Variants in ATP8A2 observed in about 807,000 individuals in gnomAD.
The protein encoded by ATP8A2 is phospholipid-transporting ATPase IB.
Under a neutral mutation model 165.6 loss-of-function variants are expected in ATP8A2, and 100 were observed. The observed-to-expected ratio is 0.60, with a 90% CI of 0.51 to 0.71. ATP8A2 has a LOEUF of 0.71. ATP8A2 is among the 30% of genes least tolerant of loss of function. The pLI is 0.00. For synonymous variants in ATP8A2, 543 were observed against 548.8 expected (o/e 0.99, Z 0.15); for missense variants, 1,227 against 1,479.5 (o/e 0.83, Z 2.80).
chr13:25,671,711 T>G (rs2042267106), intron 24 of ATP8A2, among the ~76,000 whole-genome samples: 1 of 152,222 alleles, frequency 6.6e-6, no homozygotes, highest in South Asian at 2.1e-4. Flanking sequence ...CCTGATAAGA[T>G]GTTATCAATG....
intron 33 of ATP8A2, among the ~76,000 whole-genome samples, chr13:25,951,800 C>G (rs1023745006): frequency 6.6e-6 from 1 of 152,104 alleles, no homozygotes; most frequent in Non-Finnish European, 1.5e-5. Context: ...GCCTTGGTGA[C>G]AAAAAACACT....
At chr13:25,377,622 A>G (rs983636291) in intron 1 of ATP8A2, among the ~76,000 whole-genome samples, 1 of 152,142 alleles carries the variant, frequency 6.6e-6, no homozygotes, top group African/African-American at 2.4e-5. Flanking sequence ...CAACATAGTG[A>G]AACCCTAAAA....
chr13:25,525,272 G>A (rs1593459621), intron 2 of ATP8A2, among the ~76,000 whole-genome samples: 3 of 152,116 alleles, frequency 2.0e-5, no homozygotes, highest in East Asian at 1.9e-4. Flanking sequence ...GCAGGTTTCT[G>A]TATGTGTTTT....
rs867589168 is a variant in ATP8A2 at position 25,742,408 on chromosome 13, T to A, written c.2385-26638T>A. On this transcript the variant is annotated intron_variant, in intron 25 of 36. Coordinates refer to ENST00000381655, the MANE Select transcript of ATP8A2 (RefSeq NM_016529.6). Reference sequence around the variant, plus strand: ...TCTTAATGTAGGCAAAGACCATGTGTCTCAGACAACAAATGAGGGGTACAC... The same window carrying A: ...TCTTAATGTAGGCAAAGACCATGTGACTCAGACAACAAATGAGGGGTACAC... Among the ~76,000 whole-genome samples, 3 of 151,922 alleles carry A rather than the reference T, an allele frequency of 2.0e-5. 1 individual carries two copies. Among genetic ancestry groups the A allele is most frequent in the African/African-American group, 7.3e-5 (3 of 41,338 alleles).
intron 34 of ATP8A2, among the ~76,000 whole-genome samples, chr13:25,967,190 T>C (rs1293325597): frequency 1.3e-5 from 2 of 152,234 alleles, no homozygotes; most frequent in Non-Finnish European, 2.9e-5. Context: ...TATTTGCTCA[T>C]TTCTTGTTTA....
chr13:25,987,660 C>T (rs2139278412), intron 35 of ATP8A2, among the ~76,000 whole-genome samples: 1 of 152,324 alleles, frequency 6.6e-6, no homozygotes, highest in South Asian at 2.1e-4. Context: ...AGCCACCAGC[C>T]ATGCAGGGGT....
At chr13:25,900,046 G>T (rs1953688022) in intron 33 of ATP8A2, among the ~76,000 whole-genome samples, 1 of 152,112 alleles carries the variant, frequency 6.6e-6, no homozygotes, top group African/African-American at 2.4e-5. Context: ...GAATAACCAG[G>T]ATCATACATT....
At chr13:25,866,458 A>G (rs1486587316) in intron 33 of ATP8A2, among the ~76,000 whole-genome samples, 1 of 152,222 alleles carries the variant, frequency 6.6e-6, no homozygotes, top group Non-Finnish European at 1.5e-5. Flanking sequence ...TTTGAACTCC[A>G]AATTCTTTTA....
At chr13:25,578,633 C>T (rs963055715) in intron 20 of ATP8A2, among the ~76,000 whole-genome samples, 182 bp from the exon 21 acceptor site, 2 of 152,138 alleles carry the variant, frequency 1.3e-5, no homozygotes, top group East Asian at 3.8e-4. Context: ...TTTTGTTGGA[C>T]ACATTCATAC....
rs534808174 is a variant in ATP8A2 at position 25,436,565 on chromosome 13, T to C, written c.77-32412T>C. 1.4e-4 allele frequency among the ~76,000 whole-genome samples: 22 copies of C among 152,296 alleles called. No homozygotes were observed. In the South Asian group the frequency reaches 4.6e-3, roughly 32 times the overall value. ...TTTGCTGTTGTAAATAGTACTGTGA[T>C]GAACATAAGCGTGTGTCTGTTTGGT... On this transcript the variant is annotated intron_variant, in intron 1 of 36. Transcript: ENST00000381655.
At chr13:25,745,945 G>GGCTGACT (rs1388817030) in intron 25 of ATP8A2, among the ~76,000 whole-genome samples, 1 of 152,168 alleles carries the variant, frequency 6.6e-6, no homozygotes, top group African/African-American at 2.4e-5. Flanking sequence ...CTAGGCAGGA[G>GGCTGACT]GCTGACTACA....
chr13:25,993,956 C>T (rs1184919166), intron 35 of ATP8A2, among the ~76,000 whole-genome samples: 1 of 152,096 alleles, frequency 6.6e-6, no homozygotes, highest in Admixed American at 6.5e-5. Context: ...CTGTGTTTTC[C>T]AATCCATGAA....
chr13:25,723,562 A>G (rs780572290), intron 25 of ATP8A2, among the ~76,000 whole-genome samples: 1 of 152,154 alleles, frequency 6.6e-6, no homozygotes, highest in African/African-American at 2.4e-5. Flanking sequence ...AACATCATCT[A>G]GCCAGATTTT....
intron 20 of ATP8A2, among the ~76,000 whole-genome samples, chr13:25,578,089 C>T (rs958833143): frequency 2.0e-5 from 3 of 152,086 alleles, no homozygotes; most frequent in Non-Finnish European, 2.9e-5. Flanking sequence ...AGTACCACAT[C>T]GAGTACAACA....
chr13:25,930,028 A>AC (rs1290927959), intron 33 of ATP8A2, among the ~76,000 whole-genome samples: 2 of 152,100 alleles, frequency 1.3e-5, no homozygotes, highest in Admixed American at 1.3e-4. Context: ...GTGCTGCCCC[A>AC]CGTGCCTTTG....
chr13:25,846,091 G>A (rs967828781), intron 30 of ATP8A2, among the ~76,000 whole-genome samples: 1 of 152,208 alleles, frequency 6.6e-6, no homozygotes, highest in African/African-American at 2.4e-5. Context: ...CAGGAGAATT[G>A]CTTGAACTGG....
intron 27 of ATP8A2, among the ~76,000 whole-genome samples, chr13:25,783,519 C>T (rs527849471): frequency 1.3e-5 from 2 of 152,224 alleles, no homozygotes; most frequent in Admixed American, 6.5e-5. Context: ...TAAGAATTCC[C>T]ACAATTATAA....
intron 34 of ATP8A2, among the ~76,000 whole-genome samples, chr13:25,963,393 C>CAAAAAAAAA (rs763926807): frequency 8.7e-6 from 1 of 115,390 alleles, no homozygotes; most frequent in South Asian, 2.6e-4. Context: ...GACTCCGTCT[C>CAAAAAAAAA]AAAAAAAAAA....
intron 33 of ATP8A2, chr13:25,868,255 A>G: frequency 5.6e-6 from 2 of 358,764 alleles, no homozygotes; most frequent in South Asian, 2.1e-5. Context: ...TAGCACTGCA[A>G]TTATTAGTTT....
Sources: allele counts gnomAD v4.1 joint callset (sites outside exome capture counted in the v4.1 genomes callset), GRCh38; gene constraint gnomAD v4.1.1; transcripts MANE v1.5; gene names NCBI Gene and HGNC (gene_info 2026-07-23, HGNC 2026-07-21).